Variants in KCNMA1 observed in about 807,000 individuals in gnomAD.
KCNMA1 encodes potassium calcium-activated channel subfamily M alpha 1.
A neutral mutation model predicts 140.0 loss-of-function variants in KCNMA1; 29 were observed. The ratio of observed to expected loss-of-function variants is 0.21; its 90% CI spans 0.15 to 0.28. The LOEUF (loss-of-function observed/expected upper bound fraction) is 0.28. Ranked by LOEUF, KCNMA1 falls within the 10% of genes least tolerant of loss-of-function variation. The pLI is 1.00. For missense variants in KCNMA1, 880 were observed against 1,602.2 expected, an observed-to-expected ratio of 0.55 and a Z score of 7.70; for synonymous variants, 612 against 611.9, an observed-to-expected ratio of 1.00 and a Z score of 0.00.
chr10:77,516,996 CAAA>C (rs77570923), intron 1 of KCNMA1, among the ~76,000 whole-genome samples: 1 of 86,172 alleles, frequency 1.2e-5, no homozygotes, highest in African/African-American at 4.5e-5. Flanking sequence ...GTGTTTTTTA[CAAA>C]AAAAAAAAAA....
At chr10:77,009,514 T>C (rs1461678621) in intron 18 of KCNMA1, among the ~76,000 whole-genome samples, 1 of 152,150 alleles carries the variant, frequency 6.6e-6, no homozygotes, top group African/African-American at 2.4e-5. Flanking sequence ...CACTCCTTCC[T>C]CCCGAGAATG....
At chr10:77,391,976 C>T (rs1165273935) in intron 2 of KCNMA1, among the ~76,000 whole-genome samples, 1 of 151,422 alleles carries the variant, frequency 6.6e-6, no homozygotes. Context: ...TCAGCACCCT[C>T]TGAAGGCCTT....
At chr10:77,164,661 G>A (rs2098614935) in intron 5 of KCNMA1, among the ~76,000 whole-genome samples, 1 of 152,056 alleles carries the variant, frequency 6.6e-6, no homozygotes, top group Admixed American at 6.6e-5. Context: ...TTTGGCAAAA[G>A]CACATTTGCA....
At chr10:77,507,512 A>G (rs2046587376) in intron 1 of KCNMA1, among the ~76,000 whole-genome samples, 1 of 152,246 alleles carries the variant, frequency 6.6e-6, no homozygotes, top group Non-Finnish European at 1.5e-5. Context: ...GGGATTATCC[A>G]TGAACTGACT....
chr10:77,609,505 G>C (rs1463238846), intron 1 of KCNMA1, among the ~76,000 whole-genome samples: 2 of 152,160 alleles, frequency 1.3e-5, no homozygotes, highest in African/African-American at 4.8e-5. Context: ...ATAAATTCAA[G>C]ACATCTATTA....
At chr10:77,473,849 T>C (rs1433485933) in intron 1 of KCNMA1, among the ~76,000 whole-genome samples, 1 of 152,206 alleles carries the variant, frequency 6.6e-6, no homozygotes, top group Non-Finnish European at 1.5e-5. Context: ...CGTGTCACCA[T>C]GGCTATAAAT....
At chr10:77,456,513 G>A (rs963661880) in intron 1 of KCNMA1, among the ~76,000 whole-genome samples, 1 of 152,186 alleles carries the variant, frequency 6.6e-6, no homozygotes, top group African/African-American at 2.4e-5. Flanking sequence ...CGTGACAGCA[G>A]GGACATCATC....
intron 14 of KCNMA1, among the ~76,000 whole-genome samples, chr10:77,058,075 T>C (rs1209898008): frequency 6.6e-6 from 1 of 151,894 alleles, no homozygotes; most frequent in Admixed American, 6.6e-5. Flanking sequence ...AGAAAAGATA[T>C]ACTTTTTTCC....
intron 3 of KCNMA1, among the ~76,000 whole-genome samples, chr10:77,246,456 G>A (rs1369974205): frequency 3.9e-5 from 6 of 152,154 alleles, no homozygotes; most frequent in East Asian, 1.9e-4. Flanking sequence ...CTTCCCTTTT[G>A]AAACAGAATT....
At chr10:77,183,815 G>A (rs2098822597) in intron 4 of KCNMA1, among the ~76,000 whole-genome samples, 1 of 151,686 alleles carries the variant, frequency 6.6e-6, no homozygotes, top group African/African-American at 2.4e-5. Flanking sequence ...AAGGTCTGGA[G>A]GGAGACATTA....
chr10:76,971,332 C>G (rs2076023290), intron 19 of KCNMA1, among the ~76,000 whole-genome samples: 1 of 152,112 alleles, frequency 6.6e-6, no homozygotes, highest in Admixed American at 6.5e-5. Flanking sequence ...ATGTCAGCTA[C>G]TTGGTATTAT....
intron 3 of KCNMA1, among the ~76,000 whole-genome samples, chr10:77,210,595 A>C (rs2045743640): frequency 1.3e-5 from 2 of 152,194 alleles, no homozygotes; most frequent in African/African-American, 4.8e-5. Flanking sequence ...AAGAAAAGGC[A>C]ACCAAATAGG....
chr10:77,143,119 GA>G (rs972349244), intron 5 of KCNMA1, among the ~76,000 whole-genome samples: 3 of 151,200 alleles, frequency 2.0e-5, no homozygotes, highest in Admixed American at 6.6e-5. Context: ...ATTATGAAAA[GA>G]AAAAAAATTA....
At chr10:77,439,044 C>T (rs1484230930) in intron 1 of KCNMA1, among the ~76,000 whole-genome samples, 6 of 150,518 alleles carry the variant, frequency 4.0e-5, no homozygotes, top group African/African-American at 1.5e-4. Flanking sequence ...GCACTCCAGC[C>T]TGGGCGACAG....
intron 2 of KCNMA1, among the ~76,000 whole-genome samples, chr10:77,290,190 C>T (rs2072693261): frequency 6.6e-6 from 1 of 152,140 alleles, no homozygotes; most frequent in Admixed American, 6.5e-5. Context: ...AAAATGTTTA[C>T]AAGGCCCATG....
At chr10:77,446,135 C>T (rs1603622714) in intron 1 of KCNMA1, among the ~76,000 whole-genome samples, 3 of 152,190 alleles carry the variant, frequency 2.0e-5, no homozygotes, top group Non-Finnish European at 2.9e-5. Context: ...TAAATCCTGC[C>T]TCCATGAGAT....
At chr10:77,020,234 C>T (rs1248084880) in intron 16 of KCNMA1, 1 of 152,142 alleles carries the variant, frequency 6.6e-6, no homozygotes, top group African/African-American at 2.4e-5. Context: ...GTAATTAACA[C>T]ATAATCTTTT....
intron 13 of KCNMA1, among the ~76,000 whole-genome samples, chr10:77,077,620 A>G (rs1239948338): frequency 6.6e-6 from 1 of 152,248 alleles, no homozygotes. Context: ...AACATACAAC[A>G]TTAATTTTCC....
chr10:77,139,532 A>G (rs964228017), intron 5 of KCNMA1, among the ~76,000 whole-genome samples: 13 of 152,348 alleles, frequency 8.5e-5, no homozygotes, highest in African/African-American at 3.1e-4. Flanking sequence ...ATGCAGAAGT[A>G]TTTGAGCTGT....
Sources: gnomAD v4.1 joint callset for allele counts (sites outside exome capture counted in the v4.1 genomes callset) on GRCh38, gnomAD v4.1.1 for gene constraint, MANE v1.5 for transcripts, NCBI Gene and HGNC (gene_info 2026-07-23, HGNC 2026-07-21) for gene names.